The following PKHD1 variants were observed in gnomAD, a reference collection of about 807,000 sequenced individuals.
PKHD1 encodes the protein fibrocystin.
Under a neutral mutation model 412.0 loss-of-function variants are expected in PKHD1, and 291 were observed. The ratio of observed to expected loss-of-function variants is 0.71; its 90% CI spans 0.64 to 0.78. The LOEUF is 0.78. Ranked by LOEUF, PKHD1 falls within the 30% of genes least tolerant of loss-of-function variation. PKHD1 has a pLI of 0.00. For synonymous variants in PKHD1, 1,777 were observed against 1,821.5 expected, an observed-to-expected ratio of 0.98 and a Z score of 0.62; for missense variants, 4,825 against 4,950.7, an observed-to-expected ratio of 0.97 and a Z score of 0.76.
At chr6:52,031,136 T>A (rs1425766373) in intron 29 of PKHD1, among the ~76,000 whole-genome samples, 1 of 152,238 alleles carries the variant, frequency 6.6e-6, no homozygotes, top group Non-Finnish European at 1.5e-5. Flanking sequence ...CTGCTTTATT[T>A]CCTATTTTCA....
At chr6:51,620,228 T>C (rs1003827522) in intron 66 of PKHD1, among the ~76,000 whole-genome samples, 8 of 152,260 alleles carry the variant, frequency 5.3e-5, no homozygotes, top group Non-Finnish European at 7.3e-5. Flanking sequence ...TTTAACAATG[T>C]TGTTTTAATT....
In PKHD1 at chr6:51,882,626, C is replaced by T. The variant is rs150924405; in HGVS notation, c.7350+467G>A. On this transcript the variant is annotated intron_variant, in intron 46 of 66. Transcript: ENST00000371117. Reference sequence around the variant, plus strand: ...CTAAGAGACCAATGGCAGCCAGGAACCCCCACTTAGGAACTAGTGCTTCCC... The same window carrying T: ...CTAAGAGACCAATGGCAGCCAGGAATCCCCACTTAGGAACTAGTGCTTCCC... Among the ~76,000 whole-genome samples, 415 of 152,288 alleles carry T rather than the reference C, an allele frequency of 2.7e-3. 5 individuals are homozygous for T. Among genetic ancestry groups the T allele is most frequent in the African/African-American group, 9.4e-3 (392 of 41,574 alleles).
At chr6:51,846,897 C>CTAG (rs1375103209) in intron 50 of PKHD1, among the ~76,000 whole-genome samples, 36 of 152,270 alleles carry the variant, frequency 2.4e-4, no homozygotes, top group Admixed American at 2.2e-3. Context: ...TTGGTACTCT[C>CTAG]TACCTTGGAC....
intron 11 of PKHD1, among the ~76,000 whole-genome samples, chr6:52,067,555 G>C (rs1475912110): frequency 2.6e-5 from 4 of 152,196 alleles, no homozygotes; most frequent in African/African-American, 9.7e-5. Flanking sequence ...AGAAATTAGA[G>C]AGTATATGAA....
chr6:51,883,089 T>C lies in PKHD1; in HGVS notation c.7350+4A>G. ...GCCTAAAACAACCACACTAAGGCAC[T>C]TACCTTGTGGGCAAAATGACCAAGT... On this transcript the variant is annotated splice_donor_region_variant and intron_variant, in intron 46 of 66. Transcript: ENST00000371117. The C allele has an allele frequency of 6.2e-7, 1 of 1,612,692 alleles. No homozygotes were observed. The highest frequency in any genetic ancestry group is 1.7e-4 in the Middle Eastern group (1 of 6,054).
intron 48 of PKHD1, among the ~76,000 whole-genome samples, chr6:51,858,974 A>AGTC (rs1328111676): frequency 6.6e-6 from 1 of 152,202 alleles, no homozygotes. Flanking sequence ...GGACAAACAT[A>AGTC]GTCAGTGGTC....
intron 37 of PKHD1, among the ~76,000 whole-genome samples, chr6:51,912,841 G>T (rs938731657): frequency 6.6e-6 from 1 of 152,000 alleles, no homozygotes; most frequent in Non-Finnish European, 1.5e-5. Context: ...AAAAGCACAA[G>T]AATTGTGGTC....
At chr6:51,695,890 C>T (rs933413508) in intron 60 of PKHD1, among the ~76,000 whole-genome samples, 16 of 152,042 alleles carry the variant, frequency 1.1e-4, no homozygotes, top group East Asian at 7.7e-4. Context: ...CATTTGAATA[C>T]GAAGAGCAGA....
Position 52,046,520 on chromosome 6 carries a change from A to G in PKHD1, c.2408-332T>C, listed in dbSNP as rs552352385. ...ACACACCCTTGTAATGCCTGAAAGC[A>G]TAATTAAATATTAGATCTTCCCTGG... is the stretch of plus-strand genomic sequence containing the variant. On this transcript the variant is annotated intron_variant, in intron 23 of 66. Coordinates refer to ENST00000371117, the MANE Select transcript of PKHD1 (RefSeq NM_138694.4). Among the ~76,000 whole-genome samples, 5 of 152,364 alleles carry G rather than the reference A, an allele frequency of 3.3e-5. No individual in the cohort carries two copies. In the South Asian group the frequency reaches 1.0e-3, roughly 32 times the overall value.
chr6:51,720,242 C>G (rs866225253), intron 60 of PKHD1, among the ~76,000 whole-genome samples: 1 of 152,202 alleles, frequency 6.6e-6, no homozygotes, highest in African/African-American at 2.4e-5. Flanking sequence ...CTCTTACCCA[C>G]TCTTGCAAAC....
chr6:51,764,749 C>T (rs1180524554), intron 55 of PKHD1, among the ~76,000 whole-genome samples: 1 of 152,036 alleles, frequency 6.6e-6, no homozygotes, highest in Admixed American at 6.6e-5. Context: ...TCCTTGGAAC[C>T]CTGTCATGAT....
intron 53 of PKHD1, among the ~76,000 whole-genome samples, chr6:51,780,256 C>T (rs929517059): frequency 9.9e-5 from 15 of 151,894 alleles, no homozygotes; most frequent in Admixed American, 6.6e-5. Context: ...CGTGGTGCGA[C>T]GCACCTGTAG....
intron 44 of PKHD1, among the ~76,000 whole-genome samples, chr6:51,886,341 T>C (rs1330964255): frequency 6.6e-6 from 1 of 152,234 alleles, no homozygotes; most frequent in Non-Finnish European, 1.5e-5. Flanking sequence ...TGTTATGATC[T>C]AGAAAATAAT....
In PKHD1 at chr6:52,062,565, C is replaced by A; in HGVS notation, c.1072G>T (p.Ala358Ser). 1 of 1,614,160 alleles carries A rather than the reference C, an allele frequency of 6.2e-7. No homozygotes were observed. Among genetic ancestry groups the A allele is most frequent in the Non-Finnish European group, 8.5e-7 (1 of 1,179,984 alleles). The stretch of plus-strand genomic sequence containing the variant: ...GACCAAAACCCAAATGGAGAACTGG[C>A]ATTAGGGACAATCTGCCACCTGTAC... Reference protein sequence around the residue: ...PGYRWQIVPNASSPFGFWSQE... With the variant: ...PGYRWQIVPNSSSPFGFWSQE... The change falls in exon 14 of 67, where the codon GCC becomes TCC. Residue 358 changes from alanine (A) to serine (S), a missense_variant. Physicochemically the swap from Ala to Ser is moderately conservative, Grantham distance 99 (BLOSUM62 1). Coordinates refer to ENST00000371117, the MANE Select transcript of PKHD1 (RefSeq NM_138694.4).
At chr6:51,797,841 G>A (rs1305443547) in intron 52 of PKHD1, among the ~76,000 whole-genome samples, 3 of 152,120 alleles carry the variant, frequency 2.0e-5, no homozygotes, top group Admixed American at 1.3e-4. Flanking sequence ...ATTTGATCCT[G>A]TCATCATGAT....
intron 54 of PKHD1, among the ~76,000 whole-genome samples, chr6:51,775,270 A>G (rs539605452): frequency 1.3e-5 from 2 of 151,974 alleles, no homozygotes; most frequent in East Asian, 1.9e-4. Context: ...GTGAGAAAAT[A>G]CTTTAAATCT....
At chr6:51,968,781 C>A (rs1793223927) in intron 35 of PKHD1, among the ~76,000 whole-genome samples, 1 of 152,188 alleles carries the variant, frequency 6.6e-6, no homozygotes, top group Non-Finnish European at 1.5e-5. Context: ...ATGGAACAGA[C>A]TTCTACAATG....
intron 35 of PKHD1, among the ~76,000 whole-genome samples, chr6:51,996,274 G>A (rs1360352076): frequency 1.3e-5 from 2 of 150,702 alleles, no homozygotes; most frequent in Admixed American, 1.3e-4. Context: ...CTCCCAAAGT[G>A]CTGGGATTAC....
intron 37 of PKHD1, among the ~76,000 whole-genome samples, chr6:51,915,923 T>C (rs540847174): frequency 8.9e-4 from 136 of 151,978 alleles, no homozygotes; most frequent in Non-Finnish European, 1.6e-3. Flanking sequence ...TTTGTGAGAG[T>C]TGGGGGCCTC....
Sources: allele counts gnomAD v4.1 joint callset (sites outside exome capture counted in the v4.1 genomes callset), GRCh38; gene constraint gnomAD v4.1.1; transcripts MANE v1.5; gene names NCBI Gene and HGNC (gene_info 2026-07-23, HGNC 2026-07-21).